The following RPH3AL variants were observed in gnomAD, a reference collection of about 807,000 sequenced individuals.
The protein encoded by RPH3AL is rab effector Noc2.
Under a neutral mutation model 43.1 loss-of-function variants are expected in RPH3AL, and 38 were observed. The ratio of observed to expected loss-of-function variants is 0.88; its 90% CI spans 0.68 to 1.15. RPH3AL has a LOEUF of 1.15. Ranked by LOEUF, RPH3AL falls within the 50% of genes most tolerant of loss-of-function variation. The pLI, the probability that RPH3AL is intolerant of heterozygous loss-of-function variation, is 0.00. For missense variants in RPH3AL, 462 were observed against 423.2 expected, an observed-to-expected ratio of 1.09 and a Z score of -0.81; for synonymous variants, 189 against 176.3, an observed-to-expected ratio of 1.07 and a Z score of -0.57.
chr17:277,283 G>GA (rs1338300952), intron 6 of RPH3AL, among the ~76,000 whole-genome samples: 1 of 152,274 alleles, frequency 6.6e-6, no homozygotes, highest in Admixed American at 6.5e-5. Context: ...AAAAGACACA[G>GA]AAAAATGGTT....
chr17:314,161 T>G (rs1222872632), intron 5 of RPH3AL, among the ~76,000 whole-genome samples: 1 of 152,198 alleles, frequency 6.6e-6, no homozygotes, highest in Non-Finnish European at 1.5e-5. Flanking sequence ...CAGCGGCCTC[T>G]GCAGCACAGG....
At chr17:313,935 C>T (rs955445600) in intron 5 of RPH3AL, among the ~76,000 whole-genome samples, 4 of 152,166 alleles carry the variant, frequency 2.6e-5, no homozygotes, top group Admixed American at 2.6e-4. Context: ...GCCTCAGAAG[C>T]TCAAAGATTC....
At position 344,412 on chromosome 17, in the gene RPH3AL, C is replaced by T. The variant is rs2045197894; in HGVS notation, c.-213+8300G>A. 1.5e-5 allele frequency among the ~76,000 whole-genome samples: 2 copies of T among 131,368 alleles called. 1 individual carries two copies. Among genetic ancestry groups the T allele is most frequent in the African/African-American group, 5.2e-5 (2 of 38,168 alleles). The allele number at this position is 131,368 out of a possible 152,430, so 86.2% of individuals were successfully genotyped here. On this transcript the variant is annotated intron_variant, in intron 1 of 9. Transcript: ENST00000331302. ...CCATCAGACATCATCACCATCATCACCCACATCATCATCACCATCACCACC... is the reference window on the plus strand; with the variant it reads ...CCATCAGACATCATCACCATCATCATCCACATCATCATCACCATCACCACC...
In RPH3AL at chr17:264,725, C is replaced by T. The variant is rs782197940; in HGVS notation, c.438+17043G>A. Among the ~76,000 whole-genome samples the T allele has an allele frequency of 2.0e-5, 3 of 152,100 alleles. No homozygotes were observed. Among genetic ancestry groups the T allele is most frequent in the East Asian group, 3.9e-4 (2 of 5,190 alleles). ...GGAGGATGACCCTTCCACCTGTGAC[C>T]GGTATCAGCAAAAATGGAACACAGA... On this transcript the variant is annotated intron_variant, in intron 6 of 9. Transcript: ENST00000331302. This position sits in a 1 kb window ranked among gnomAD's most constrained non-coding sequence, Gnocchi z 4.8.
chr17:282,819 C>T (rs2042813413), intron 5 of RPH3AL, among the ~76,000 whole-genome samples: 2 of 152,204 alleles, frequency 1.3e-5, no homozygotes, highest in Non-Finnish European at 2.9e-5. Flanking sequence ...CCGAAGGCTG[C>T]AGGCAACTGT....
At chr17:228,807 C>T (rs770697395) in intron 7 of RPH3AL, among the ~76,000 whole-genome samples, 15 of 152,190 alleles carry the variant, frequency 9.9e-5, no homozygotes, top group Non-Finnish European at 1.8e-4. Flanking sequence ...AGTCCCCTCT[C>T]GGTCTCCCCA....
At chr17:263,451 A>G (rs1555546987) in intron 6 of RPH3AL, among the ~76,000 whole-genome samples, 1 of 152,184 alleles carries the variant, frequency 6.6e-6, no homozygotes, top group South Asian at 2.1e-4. Flanking sequence ...ACGTGGACGA[A>G]CAGGCAGCAG....
intron 5 of RPH3AL, among the ~76,000 whole-genome samples, chr17:310,821 G>C (rs1046877136): frequency 6.6e-6 from 1 of 151,752 alleles, no homozygotes; most frequent in African/African-American, 2.4e-5. Context: ...CCAGACACGA[G>C]AGAGCCCTGC....
At chr17:303,445 C>T (rs1232609039) in intron 5 of RPH3AL, among the ~76,000 whole-genome samples, 2 of 151,938 alleles carry the variant, frequency 1.3e-5, no homozygotes, top group African/African-American at 2.4e-5. Context: ...TGAATTAGAT[C>T]ACCCAGCAGT....
Position 267,537 on chromosome 17 carries a change from C to T in RPH3AL, c.438+14231G>A, listed in dbSNP as rs115755266. On this transcript the variant is annotated intron_variant, in intron 6 of 9. Coordinates refer to ENST00000331302, the MANE Select transcript of RPH3AL (RefSeq NM_006987.4). ...ACACAGTCTCAGAAATATGTTCTCC[C>T]AAGCCAAAGTGAAACCCTGTCTGGG... 2.6e-3 allele frequency among the ~76,000 whole-genome samples: 399 copies of T among 152,344 alleles called. 5 individuals are homozygous for T. Among genetic ancestry groups the T allele is most frequent in the African/African-American group, 9.3e-3 (385 of 41,574 alleles).
chr17:242,000 C>G (rs1597911223), intron 7 of RPH3AL, among the ~76,000 whole-genome samples: 2 of 152,090 alleles, frequency 1.3e-5, no homozygotes, highest in South Asian at 4.2e-4. Context: ...GCCTGTAATC[C>G]CAGCTATTCA....
intron 6 of RPH3AL, among the ~76,000 whole-genome samples, chr17:268,760 C>T (rs1010746993): frequency 3.3e-5 from 5 of 151,824 alleles, no homozygotes; most frequent in Middle Eastern, 3.2e-3. Flanking sequence ...TGACAGGTTT[C>T]GCCATGTTAC....
chr17:304,964 A>G (rs56316099), intron 5 of RPH3AL, among the ~76,000 whole-genome samples: 8,910 of 16,390 alleles, frequency 0.54, 2,870 homozygotes, highest in East Asian at 0.69. Flanking sequence ...GGACAGGGCG[A>G]GAGGGGGACA....
intron 5 of RPH3AL, among the ~76,000 whole-genome samples, chr17:303,410 A>T (rs984110227): frequency 1.3e-5 from 2 of 152,234 alleles, no homozygotes; most frequent in Admixed American, 6.5e-5. Context: ...ATCACGAAAA[A>T]AAAAAAGATT....
At position 245,005 on chromosome 17, in the gene RPH3AL, TGA is replaced by T. The variant is rs1171308623; in HGVS notation, c.613+2104_613+2105del. 6.6e-6 allele frequency among the ~76,000 whole-genome samples: 1 copy of T among 152,160 alleles called. No homozygotes were observed. The highest frequency in any genetic ancestry group is 1.5e-5 in the Non-Finnish European group (1 of 68,032). On this transcript the variant is annotated intron_variant, in intron 7 of 9. Transcript: ENST00000331302. This position sits in a 1 kb window ranked among gnomAD's most constrained non-coding sequence, Gnocchi z 5.9. ...GAGCAAGTGTGTATGCATGTGGATA[TGA>T]GTGTGTGTATGTGGATGTGTGTGTG... is the stretch of plus-strand genomic sequence containing the variant.
intron 5 of RPH3AL, among the ~76,000 whole-genome samples, chr17:302,542 T>C (rs2043354572): frequency 6.6e-6 from 1 of 152,134 alleles, no homozygotes; most frequent in African/African-American, 2.4e-5. Context: ...GAGAGGGCCG[T>C]GTCCCCAGGA....
At chr17:253,177 G>A (rs148495263) in intron 6 of RPH3AL, among the ~76,000 whole-genome samples, 1 of 152,162 alleles carries the variant, frequency 6.6e-6, no homozygotes, top group Non-Finnish European at 1.5e-5. Context: ...GAGGGGCGTG[G>A]GGCGAACAAT....
chr17:299,121 T>G (rs926773180), intron 5 of RPH3AL, among the ~76,000 whole-genome samples: 4 of 151,034 alleles, frequency 2.6e-5, no homozygotes, highest in African/African-American at 7.3e-5. Context: ...AGCAGAGGAG[T>G]AGAGGATGCA....
Position 328,860 on chromosome 17 carries a change from C to T in RPH3AL, c.-36-1281G>A, listed in dbSNP as rs1409452324. Among the ~76,000 whole-genome samples, 1 of 152,054 alleles carries T rather than the reference C, an allele frequency of 6.6e-6. No individual in the cohort carries two copies. Among genetic ancestry groups the T allele is most frequent in the Non-Finnish European group, 1.5e-5 (1 of 68,028 alleles). ...AACATGGATGAATCTTTAAAACATC[C>T]TAAGTAAGAAAAGCCAGTCATAAAA... On this transcript the variant is annotated intron_variant, in intron 2 of 9. Coordinates refer to ENST00000331302, the MANE Select transcript of RPH3AL (RefSeq NM_006987.4). The surrounding 1 kb of genome is among the most constrained non-coding windows in gnomAD (Gnocchi z 4.2).
Sources: gnomAD v4.1 joint callset for allele counts (sites outside exome capture counted in the v4.1 genomes callset) on GRCh38, gnomAD v4.1.1 for gene constraint, Gnocchi (gnomAD v3.1) non-coding constraint, MANE v1.5 for transcripts, NCBI Gene and HGNC (gene_info 2026-07-23, HGNC 2026-07-21) for gene names.